Variants in SH2D4B observed in about 807,000 individuals in gnomAD.
SH2D4B encodes SH2 domain-containing protein 4B.
Under a neutral mutation model 61.5 loss-of-function variants are expected in SH2D4B, and 45 were observed. The ratio of observed to expected loss-of-function variants is 0.73; its 90% confidence interval spans 0.58 to 0.94. The LOEUF (loss-of-function observed/expected upper bound fraction) is 0.94, where lower values mean the gene tolerates loss of function less well. Among genes scored for constraint, SH2D4B ranks in the 40% least tolerant of loss-of-function variants. The pLI is 0.00. For synonymous variants in SH2D4B, 224 were observed against 220.4 expected, an observed-to-expected ratio of 1.02 and a Z score of -0.14; for missense variants, 572 against 574.2, an observed-to-expected ratio of 1.00 and a Z score of 0.04.
At chr10:80,606,966 A>C (rs1346151635) in intron 5 of SH2D4B, among the ~76,000 whole-genome samples, 2 of 152,248 alleles carry the variant, frequency 1.3e-5, no homozygotes, top group African/African-American at 2.4e-5. Context: ...TCTGAAAATA[A>C]AAGTGACTCC....
chr10:80,620,233 C>G lies in SH2D4B; in HGVS notation c.988+10682C>G, dbSNP rs1842703920. Among the ~76,000 whole-genome samples, 3 of 152,136 alleles carry G rather than the reference C, an allele frequency of 2.0e-5. 1 individual carries two copies. The highest frequency in any genetic ancestry group is 1.3e-4 in the Admixed American group (2 of 15,270). The stretch of plus-strand genomic sequence containing the variant: ...ATTGGATCATGGGGGGCGGTTCCCC[C>G]CCTTGCTGTTCTCATGGTAATGAGT... On this transcript the variant is annotated intron_variant, in intron 6 of 7. Coordinates refer to ENST00000646907, the MANE Select transcript of SH2D4B (RefSeq NM_001388272.1).
intron 4 of SH2D4B, among the ~76,000 whole-genome samples, chr10:80,589,139 G>T (rs1842296265): frequency 6.6e-6 from 1 of 151,922 alleles, no homozygotes; most frequent in South Asian, 2.1e-4. Flanking sequence ...AAGTAGCTGG[G>T]ATTACAGGCA....
chr10:80,544,274 C>A (rs542250495), intron 1 of SH2D4B, among the ~76,000 whole-genome samples: 1 of 152,092 alleles, frequency 6.6e-6, no homozygotes, highest in Admixed American at 6.6e-5. Flanking sequence ...CACAAAGGTC[C>A]GCAGCTTCAC....
chr10:80,585,326 CTTT>C (rs35967768), intron 3 of SH2D4B, among the ~76,000 whole-genome samples: 2 of 142,308 alleles, frequency 1.4e-5, no homozygotes, highest in Non-Finnish European at 3.1e-5. Context: ...TCCTCTTTTT[CTTT>C]TTTTTTTTTT....
At chr10:80,618,281 G>A (rs17107400) in intron 6 of SH2D4B, among the ~76,000 whole-genome samples, 1 of 152,140 alleles carries the variant, frequency 6.6e-6, no homozygotes, top group South Asian at 2.1e-4. Context: ...TCTTGCCATA[G>A]CCAGTTTCAG....
In SH2D4B at chr10:80,590,560, A is replaced by G. The variant is rs908111211; in HGVS notation, c.643+1783A>G. On this transcript the variant is annotated intron_variant, in intron 4 of 7. Coordinates refer to ENST00000646907, the MANE Select transcript of SH2D4B (RefSeq NM_001388272.1). ...CGCGATCTGGCAGGGTTTTGGGAAG[A>G]GAGCAAGGAGGAGGCTGTTGTGATG... Among the ~76,000 whole-genome samples the G allele has an allele frequency of 2.6e-5, 4 of 152,272 alleles. No individual in the cohort carries two copies. In the East Asian group the frequency reaches 7.7e-4, roughly 29 times the overall value.
intron 5 of SH2D4B, among the ~76,000 whole-genome samples, chr10:80,604,831 T>C (rs1157753241): frequency 6.6e-6 from 1 of 151,882 alleles, no homozygotes; most frequent in East Asian, 1.9e-4. Flanking sequence ...TCTTGCTCTA[T>C]TGTCCAGGCT....
chr10:80,617,645 A>T (rs1306862358), intron 6 of SH2D4B, among the ~76,000 whole-genome samples: 4 of 152,202 alleles, frequency 2.6e-5, no homozygotes, highest in Non-Finnish European at 4.4e-5. Context: ...ATTCAAACTG[A>T]TGTAACCTAA....
intron 7 of SH2D4B, among the ~76,000 whole-genome samples, chr10:80,635,819 T>G (rs549655152): frequency 3.9e-5 from 6 of 152,310 alleles, no homozygotes; most frequent in Admixed American, 2.0e-4. Context: ...TAAATTATAC[T>G]TTAGGTTCTA....
At chr10:80,599,532 A>T (rs541398866) in intron 4 of SH2D4B, among the ~76,000 whole-genome samples, 110 of 152,256 alleles carry the variant, frequency 7.2e-4, no homozygotes, top group African/African-American at 2.6e-3. Flanking sequence ...TCATTACAAC[A>T]TTCACATGGG....
chr10:80,558,209 C>T (rs750080819), intron 1 of SH2D4B, among the ~76,000 whole-genome samples: 1 of 151,994 alleles, frequency 6.6e-6, no homozygotes, highest in Non-Finnish European at 1.5e-5. Context: ...ACATAACACA[C>T]ATGATTTCAA....
Position 80,538,497 on chromosome 10 carries a change from C to T in SH2D4B, c.166C>T (p.Pro56Ser). 1 of 1,412,216 alleles carries T rather than the reference C, an allele frequency of 7.1e-7. No individual in the cohort carries two copies. Among genetic ancestry groups the T allele is most frequent in the Admixed American group, 3.3e-5 (1 of 29,906 alleles). The allele number at this position is 1,412,216 out of a possible 1,614,324, so 87.5% of individuals were successfully genotyped here. A position where few individuals can be genotyped will look rare whatever the true frequency, so the allele number is the denominator to read the frequency against. ...CCTGGCCCAGGACGAGGGTCTCAGG[C>T]CTCCAAAGACCAAGCGAGGTACGTG... ...EALAQDEGLRPPKTKRAASDK... is the reference protein window; with the variant it reads ...EALAQDEGLRSPKTKRAASDK... Residue 56 changes from proline (P) to serine (S), a missense_variant, in exon 1 of 8, where the codon CCT becomes TCT. Pro to Ser is a moderately conservative substitution (Grantham distance 74). Coordinates refer to ENST00000646907, the MANE Select transcript of SH2D4B (RefSeq NM_001388272.1). This position sits in a 1 kb window ranked among gnomAD's most constrained non-coding sequence, Gnocchi z 4.8.
chr10:80,636,501 G>A (rs1163329460), intron 7 of SH2D4B, among the ~76,000 whole-genome samples: 1 of 152,228 alleles, frequency 6.6e-6, no homozygotes, highest in Non-Finnish European at 1.5e-5. Flanking sequence ...TAACTGGCAT[G>A]AGATGGTATC....
Position 80,609,435 on chromosome 10 carries a change from A to G in SH2D4B, c.872A>G (p.Glu291Gly). Residue 291 changes from glutamate to glycine, a missense_variant, in exon 6 of 8, where the codon GAG becomes GGG. Transcript: ENST00000646907. ...TTCTTTCTCTTCAGCAGGACCTGGG[A>G]GCGCCCGCTGCGCCCAGTCTCCAGA... ...PLALPVSRTWERPLRPVSRDV... is the reference protein window; with the variant it reads ...PLALPVSRTWGRPLRPVSRDV... 1 of 1,613,170 alleles carries G rather than the reference A, an allele frequency of 6.2e-7. No homozygotes were observed. The highest frequency in any genetic ancestry group is 8.5e-7 in the Non-Finnish European group (1 of 1,179,714).
At chr10:80,640,541 T>C (rs1395184599) in intron 7 of SH2D4B, among the ~76,000 whole-genome samples, 1 of 152,222 alleles carries the variant, frequency 6.6e-6, no homozygotes, top group Admixed American at 6.5e-5. Flanking sequence ...ATTAATTTGA[T>C]CTTCAATCAC....
chr10:80,566,243 A>G (rs7914650), intron 1 of SH2D4B, among the ~76,000 whole-genome samples: 50,810 of 151,388 alleles, frequency 0.34, 9,423 homozygotes, highest in African/African-American at 0.5. Context: ...TGTCACTCAT[A>G]GATGAATCAC....
rs1327546664 is a variant in SH2D4B, at chr10:80,609,425, A to C, written c.862A>C (p.Arg288=). Residue 288 remains arginine (R), a splice_region_variant and synonymous_variant, in exon 6 of 8, where the codon AGG becomes CGG. Coordinates refer to ENST00000646907, the MANE Select transcript of SH2D4B (RefSeq NM_001388272.1). The part of the protein sequence containing the change: ...LPQPLALPVS[R]TWERPLRPVS... ...CCTCCCCACTTTCTTTCTCTTCAGCAGGACCTGGGAGCGCCCGCTGCGCCC... is the reference window on the plus strand; with the variant it reads ...CCTCCCCACTTTCTTTCTCTTCAGCCGGACCTGGGAGCGCCCGCTGCGCCC... 1.2e-6 allele frequency: 2 copies of C among 1,612,712 alleles called. No homozygotes were observed. Among genetic ancestry groups the C allele is most frequent in the African/African-American group, 1.3e-5 (1 of 74,666 alleles).
At chr10:80,628,940 G>C (rs994958186) in intron 6 of SH2D4B, among the ~76,000 whole-genome samples, 4 of 151,628 alleles carry the variant, frequency 2.6e-5, no homozygotes, top group Non-Finnish European at 5.9e-5. Context: ...TGAGGCAGGA[G>C]AATTGCTTGA....
intron 3 of SH2D4B, among the ~76,000 whole-genome samples, chr10:80,580,367 G>A (rs1027382881): frequency 3.3e-5 from 5 of 152,166 alleles, no homozygotes; most frequent in South Asian, 2.1e-4. Context: ...AGCAGAGGGC[G>A]TGAAGGCCCT....
Sources: allele counts gnomAD v4.1 joint callset (sites outside exome capture counted in the v4.1 genomes callset), GRCh38; gene constraint gnomAD v4.1.1; non-coding constraint Gnocchi (gnomAD v3.1); transcripts MANE v1.5; gene names NCBI Gene and HGNC (gene_info 2026-07-23, HGNC 2026-07-21).